DOCK7: variants seen among roughly 807,000 people sequenced by gnomAD.
DOCK7 encodes the protein dedicator of cytokinesis 7, also known as dedicator of cytokinesis protein 7.
A neutral mutation model predicts 271.0 loss-of-function variants in DOCK7; 138 were observed. That is an observed-to-expected ratio of 0.51 (90% CI 0.44 to 0.59). The LOEUF (loss-of-function observed/expected upper bound fraction) is 0.59, where lower values mean the gene tolerates loss of function less well. Ranked by LOEUF, DOCK7 falls within the 20% of genes least tolerant of loss-of-function variation. The probability of loss-of-function intolerance (pLI) is 0.00; values close to 1 mark genes in which losing one functional copy is unlikely to be tolerated. For missense variants in DOCK7, 2,066 were observed against 2,592.4 expected (o/e 0.80, Z 4.41); for synonymous variants, 823 against 876.1 (o/e 0.94, Z 1.07).
rs201424380 is a variant in DOCK7 at position 62,514,375 on chromosome 1, G to A, written c.3937-477C>T. Among the ~76,000 whole-genome samples, 12 of 151,992 alleles carry A rather than the reference G, an allele frequency of 7.9e-5. No individual in the cohort carries two copies. In the East Asian group the frequency reaches 2.3e-3, roughly 29 times the overall value. On this transcript the variant is annotated intron_variant, in intron 31 of 49. Coordinates refer to ENST00000635253, the MANE Select transcript of DOCK7 (RefSeq NM_001367561.1). ...AATCAAGCACCACTGATACAAAAAG[G>A]AAAAGTCTTAGGCTATATAGAAGTA...
At chr1:62,469,429 C>G (rs1645766767) in intron 48 of DOCK7, among the ~76,000 whole-genome samples, 1 of 152,282 alleles carries the variant, frequency 6.6e-6, no homozygotes, top group East Asian at 1.9e-4. Flanking sequence ...CAAGATGGAT[C>G]AAGGACTTAC....
At position 62,611,868 on chromosome 1, in the gene DOCK7, G is replaced by C. The variant is rs190540731; in HGVS notation, c.1682+6838C>G. On this transcript the variant is annotated intron_variant, in intron 14 of 49. Transcript: ENST00000635253. ...ACTTTTAAAAGTCCTTATCTGGCCAGGCATGGTGGTTCATGCCTGTAATCC... is the reference window on the plus strand; with the variant it reads ...ACTTTTAAAAGTCCTTATCTGGCCACGCATGGTGGTTCATGCCTGTAATCC... 1.8e-3 allele frequency among the ~76,000 whole-genome samples: 267 copies of C among 152,042 alleles called. 2 individuals carry two copies. Among genetic ancestry groups the C allele is most frequent in the African/African-American group, 5.8e-3 (242 of 41,458 alleles).
At chr1:62,481,069 T>G (rs1557603686) in intron 43 of DOCK7, among the ~76,000 whole-genome samples, 1 of 149,306 alleles carries the variant, frequency 6.7e-6, no homozygotes, top group Non-Finnish European at 1.5e-5. Context: ...TCAGGGTAGG[T>G]TTCATCTGAG....
At position 62,494,252 on chromosome 1, in the gene DOCK7, A is replaced by T. The variant is rs1305520769; in HGVS notation, c.5217+23T>A. ...CCAAAAAAAGATATACCTTGATTTA[A>T]TGTACATCTGGAAGATTCCTACCTG... On this transcript the variant is annotated intron_variant, in intron 40 of 49. Transcript: ENST00000635253. 3.9e-6 allele frequency: 6 copies of T among 1,550,444 alleles called. No homozygotes were observed. In the African/African-American group the frequency reaches 8.2e-5, roughly 21 times the overall value.
At chr1:62,633,358 A>T in intron 10 of DOCK7, 140 bp downstream of exon 10, 1 of 631,202 alleles carries the variant, frequency 1.6e-6, no homozygotes, top group East Asian at 2.7e-5. Context: ...AAAATATAGT[A>T]CTAGTAAAAT....
At chr1:62,466,574 T>C (rs1329960090) in intron 48 of DOCK7, among the ~76,000 whole-genome samples, 1 of 152,194 alleles carries the variant, frequency 6.6e-6, no homozygotes, top group Non-Finnish European at 1.5e-5. Flanking sequence ...GGACATTGCA[T>C]CTGGCCACCC....
chr1:62,490,052 C>G (rs1646414050), intron 41 of DOCK7, among the ~76,000 whole-genome samples: 1 of 136,758 alleles, frequency 7.3e-6, no homozygotes, highest in Admixed American at 8.8e-5. Flanking sequence ...GGTCTTCTAT[C>G]CCTTATCCTT....
chr1:62,624,218 G>A (rs996698168), intron 12 of DOCK7, among the ~76,000 whole-genome samples: 2 of 151,670 alleles, frequency 1.3e-5, no homozygotes, highest in African/African-American at 4.9e-5. Flanking sequence ...ATACACATGT[G>A]TACACTCATA....
intron 14 of DOCK7, chr1:62,605,751 T>C (rs1024978210): frequency 6.6e-6 from 1 of 152,362 alleles, no homozygotes; most frequent in African/African-American, 2.4e-5. Flanking sequence ...TGTATATATG[T>C]TTAAAATTCA....
intron 1 of DOCK7, among the ~76,000 whole-genome samples, chr1:62,684,009 G>T (rs1661454466): frequency 6.6e-6 from 1 of 152,128 alleles, no homozygotes; most frequent in African/African-American, 2.4e-5. Context: ...GGAGGCCAAG[G>T]CGGGTGAATC....
At chr1:62,500,106 T>C (rs1646739236) in intron 37 of DOCK7, among the ~76,000 whole-genome samples, 2 of 152,152 alleles carry the variant, frequency 1.3e-5, no homozygotes, top group Non-Finnish European at 2.9e-5. Flanking sequence ...GCTTATCCTA[T>C]GTTGAGTAGT....
At chr1:62,597,731 T>C (rs775056868) in intron 14 of DOCK7, 11 of 1,613,500 alleles carry the variant, frequency 6.8e-6, no homozygotes, top group Middle Eastern at 1.6e-4. Flanking sequence ...AGTTGGGACA[T>C]GGTCTTAAAG....
Position 62,612,550 on chromosome 1 carries a change from T to TA in DOCK7, c.1682+6155dup, listed in dbSNP as rs576952976. Among the ~76,000 whole-genome samples the TA allele has an allele frequency of 1.8e-3, 272 of 151,298 alleles. 1 individual carries two copies. The South Asian group carries it at 0.022, about 12-fold the overall frequency. On this transcript the variant is annotated intron_variant, in intron 14 of 49. Coordinates refer to ENST00000635253, the MANE Select transcript of DOCK7 (RefSeq NM_001367561.1). The stretch of plus-strand genomic sequence containing the variant: ...CCCGGAACTTAAAGTAAAATAAAAT[T>TA]AAAAAAAAAATTAATCTGTTCTCTT...
At chr1:62,528,753 G>A (rs1395653988) in intron 30 of DOCK7, among the ~76,000 whole-genome samples, 1 of 152,140 alleles carries the variant, frequency 6.6e-6, no homozygotes. Flanking sequence ...TTGCCCTAAA[G>A]AAAATATTGT....
intron 1 of DOCK7, among the ~76,000 whole-genome samples, chr1:62,680,061 A>G (rs998517226): frequency 7.2e-5 from 11 of 152,262 alleles, no homozygotes; most frequent in African/African-American, 2.6e-4. Flanking sequence ...TGGAACCAAA[A>G]AAGGGCCCAC....
chr1:62,561,387 A>C (rs904747230), intron 19 of DOCK7, among the ~76,000 whole-genome samples: 8 of 152,318 alleles, frequency 5.3e-5, no homozygotes, highest in South Asian at 4.1e-4. Flanking sequence ...ACATGAAGTC[A>C]ATGACATTTT....
chr1:62,609,626 A>T (rs1263593465), intron 14 of DOCK7: 2 of 152,120 alleles, frequency 1.3e-5, no homozygotes. Flanking sequence ...TAAGTAAATA[A>T]TCTCTACAAA....
intron 7 of DOCK7, among the ~76,000 whole-genome samples, chr1:62,638,136 C>T (rs545768900): frequency 2.4e-4 from 36 of 152,160 alleles, no homozygotes; most frequent in Middle Eastern, 3.4e-3. Flanking sequence ...GGGATATTTT[C>T]GGTTGGCCCA....
intron 48 of DOCK7, among the ~76,000 whole-genome samples, chr1:62,465,758 G>T (rs1645658406): frequency 6.6e-6 from 1 of 152,094 alleles, no homozygotes; most frequent in East Asian, 1.9e-4. Context: ...CAGCATCTTG[G>T]CCAGGCTGGT....
Sources: allele counts gnomAD v4.1 joint callset (sites outside exome capture counted in the v4.1 genomes callset), GRCh38; gene constraint gnomAD v4.1.1; transcripts MANE v1.5; gene names NCBI Gene and HGNC (gene_info 2026-07-23, HGNC 2026-07-21).